Variants in SEC31B observed in about 807,000 individuals in gnomAD.
SEC31B encodes SEC31 homolog B, COPII component.
SEC31B carries 113 observed loss-of-function variants against 135.0 expected under a neutral mutation model. That is an observed-to-expected ratio of 0.84 (90% confidence interval 0.72 to 0.98). The LOEUF is 0.98. Ranked by LOEUF, SEC31B falls within the 50% of genes least tolerant of loss-of-function variation. The pLI is 0.00. For missense variants in SEC31B, 1,296 were observed against 1,421.1 expected (o/e 0.91, Z 1.42); for synonymous variants, 508 against 549.4 (o/e 0.92, Z 1.05).
In SEC31B at chr10:100,517,120, A is replaced by G. The variant is rs890872770; in HGVS notation, c.-45-123T>C. ...CAGGGCAACACAGAGTGACAAATAC[A>G]TGACCATCTGCAGATCTAAAGATAG... is the stretch of plus-strand genomic sequence containing the variant. On this transcript the variant is annotated intron_variant, in intron 1 of 25. Transcript: ENST00000370345. 4 of 602,098 alleles carry G rather than the reference A, an allele frequency of 6.6e-6. No individual in the cohort carries two copies. In the Admixed American group the frequency reaches 1.2e-4, roughly 18 times the overall value. The allele number at this position is 602,098 out of a possible 1,614,324, so 37.3% of individuals were successfully genotyped here.
chr10:100,511,293 C>T (rs1413236430), intron 3 of SEC31B, among the ~76,000 whole-genome samples: 3 of 152,164 alleles, frequency 2.0e-5, no homozygotes, highest in Non-Finnish European at 2.9e-5. Flanking sequence ...CAAACCTGGG[C>T]GAATGGGCTT....
In SEC31B at chr10:100,508,910, GA is replaced by G. The variant is rs2133693339; in HGVS notation, c.495+96del. ...TTATTGCCCTCCAGTGGTAAAGTTT[GA>G]TATCTCTTGAGCTCTGATTGGCTCC... On this transcript the variant is annotated intron_variant, in intron 5 of 25. Coordinates refer to ENST00000370345, the MANE Select transcript of SEC31B (RefSeq NM_015490.4). 4 of 923,892 alleles carry G rather than the reference GA, an allele frequency of 4.3e-6. No homozygotes were observed. In the East Asian group the frequency reaches 1.0e-4, roughly 23 times the overall value. 57.2% of individuals were successfully genotyped at this position (923,892 alleles called of 1,614,324 possible).
rs758153094 is a variant in SEC31B at position 100,490,012 on chromosome 10, G to C, written c.2961C>G (p.His987Gln). ...ATCCATGGAAGGAAGACTGACCTGG[G>C]TGAGGAGTCAAGATGCCAGTGGTTG... ...VLPTTGILTPHPGPQDSWKEA... is the reference protein window; with the variant it reads ...VLPTTGILTPQPGPQDSWKEA... Residue 987 changes from histidine to glutamine, a missense_variant, in exon 21 of 26, where the codon CAC becomes CAG. Coordinates refer to ENST00000370345, the MANE Select transcript of SEC31B (RefSeq NM_015490.4). 1 of 1,541,936 alleles carries C rather than the reference G, an allele frequency of 6.5e-7. No individual in the cohort carries two copies. Among genetic ancestry groups the C allele is most frequent in the South Asian group, 1.3e-5 (1 of 77,022 alleles).
chr10:100,508,513 T>C (rs767433734), intron 5 of SEC31B: 3 of 463,510 alleles, frequency 6.5e-6, no homozygotes, highest in South Asian at 4.6e-5. Flanking sequence ...AGCAAAAAGA[T>C]GGGCCCAGTT....
intron 3 of SEC31B, among the ~76,000 whole-genome samples, chr10:100,513,939 C>A (rs1722431902): frequency 6.6e-6 from 1 of 151,778 alleles, no homozygotes; most frequent in Admixed American, 6.6e-5. Flanking sequence ...AATCCCAGCA[C>A]TTTGGGAGGC....
intron 9 of SEC31B, chr10:100,505,762 T>A: frequency 7.1e-7 from 1 of 1,414,900 alleles, no homozygotes; most frequent in Non-Finnish European, 9.2e-7. Flanking sequence ...ATAAGAGTCA[T>A]ACTCTTGAAA....
intron 3 of SEC31B, among the ~76,000 whole-genome samples, chr10:100,515,430 A>G (rs1851812768): frequency 6.6e-6 from 1 of 152,246 alleles, no homozygotes; most frequent in Non-Finnish European, 1.5e-5. Flanking sequence ...CCTCAACTTT[A>G]CAAGACCTTT....
intron 3 of SEC31B, 112 bp downstream of exon 3, chr10:100,515,984 A>T: frequency 7.4e-7 from 1 of 1,342,330 alleles, no homozygotes; most frequent in Non-Finnish European, 1.0e-6. Flanking sequence ...CCAACTTGGC[A>T]AAGCTCCTTC....
chr10:100,508,942 T>A, intron 5 of SEC31B, 65 bp downstream of exon 5: 1 of 1,331,520 alleles, frequency 7.5e-7, no homozygotes, highest in Non-Finnish European at 1.1e-6. Context: ...GCTCCAGAAC[T>A]CAAGACTTTT....
chr10:100,489,547 G>T lies in SEC31B; in HGVS notation c.3025-149C>A, dbSNP rs527793242. On this transcript the variant is annotated intron_variant, in intron 22 of 25. Coordinates refer to ENST00000370345, the MANE Select transcript of SEC31B (RefSeq NM_015490.4). Reference sequence around the variant, plus strand: ...AGGAGACTGGTGTATGTGTGTAAGAGGGAAAGAGAAAGAAGAGGGTTCTGA... The same window carrying T: ...AGGAGACTGGTGTATGTGTGTAAGATGGAAAGAGAAAGAAGAGGGTTCTGA... The T allele has an allele frequency of 5.9e-6, 8 of 1,356,912 alleles. No individual in the cohort carries two copies. The East Asian group carries it at 1.9e-4, about 32-fold the overall frequency. 84.1% of individuals were successfully genotyped at this position (1,356,912 alleles called of 1,614,324 possible).
intron 2 of SEC31B, 133 bp from the exon 3 acceptor site, chr10:100,516,352 A>C: frequency 8.8e-7 from 1 of 1,139,076 alleles, no homozygotes; most frequent in Non-Finnish European, 1.2e-6. Context: ...ACTCCACAAA[A>C]GCAAGAAAAC....
chr10:100,490,874 G>T lies in SEC31B; in HGVS notation c.2482C>A (p.Pro828Thr), dbSNP rs1851288885. 6.7e-7 allele frequency: 1 copy of T among 1,492,370 alleles called. No individual in the cohort carries two copies. 92.4% of individuals were successfully genotyped at this position (1,492,370 alleles called of 1,614,324 possible). The change falls in exon 20 of 26, where the codon CCA becomes ACA. Residue 828 changes from proline to threonine, a missense_variant. Physicochemically the swap from Pro to Thr is conservative, Grantham distance 38 (BLOSUM62 -1). Coordinates refer to ENST00000370345, the MANE Select transcript of SEC31B (RefSeq NM_015490.4). The stretch of plus-strand genomic sequence containing the variant: ...GTGAAAACCCTTGGCCTTGGAGATG[G>T]AGTTGGGACCTATGAAGAGAAAAAA... Reference protein sequence around the residue: ...GSQPSHQVPTPSPRPRVFTPQ... With the variant: ...GSQPSHQVPTTSPRPRVFTPQ...
chr10:100,488,616 T>C (rs1481437121), intron 24 of SEC31B, among the ~76,000 whole-genome samples: 1 of 152,016 alleles, frequency 6.6e-6, no homozygotes, highest in African/African-American at 2.4e-5. Context: ...CCACCCTCCT[T>C]CCAGTACCCC....
Position 100,495,436 on chromosome 10 carries a change from G to C in SEC31B, c.2421C>G (p.Leu807=), listed in dbSNP as rs748832840. 6.2e-7 allele frequency: 1 copy of C among 1,614,062 alleles called. No homozygotes were observed. Among genetic ancestry groups the C allele is most frequent in the Admixed American group, 1.7e-5 (1 of 60,018 alleles). The change falls in exon 19 of 26, where the codon CTC becomes CTG. Residue 807 remains leucine, a synonymous_variant. Coordinates refer to ENST00000370345, the MANE Select transcript of SEC31B (RefSeq NM_015490.4). ...TGTAAGATGATGTCTCTTTAGAGTGGAGGGTAGCTCCCACAACAATCCGGG... is the reference window on the plus strand; with the variant it reads ...TGTAAGATGATGTCTCTTTAGAGTGCAGGGTAGCTCCCACAACAATCCGGG... ...PFPRIVVGAT[L]HSKETSSYRL...
chr10:100,496,267 G>T lies in SEC31B; in HGVS notation c.2301C>A (p.Asp767Glu), dbSNP rs1263120778. ...ACATGGCCCCACTTACCTGAGCACA[G>T]TCCCTGGGTAGAAAGCTCATGGCAG... ...LATAMSFLPRDCAQPPVQQLR... is the reference protein window; with the variant it reads ...LATAMSFLPRECAQPPVQQLR... The change falls in exon 18 of 26, where the codon GAC becomes GAA. Residue 767 changes from aspartate to glutamate, a missense_variant. Physicochemically the swap from Asp to Glu is conservative, Grantham distance 45. Coordinates refer to ENST00000370345, the MANE Select transcript of SEC31B (RefSeq NM_015490.4). 6.2e-7 allele frequency: 1 copy of T among 1,614,120 alleles called. No homozygotes were observed. Among genetic ancestry groups the T allele is most frequent in the South Asian group, 1.1e-5 (1 of 91,082 alleles).
chr10:100,507,859 G>A (rs917915582), intron 6 of SEC31B, 49 bp downstream of exon 6: 2 of 1,612,410 alleles, frequency 1.2e-6, no homozygotes, highest in African/African-American at 2.7e-5. Context: ...CTGCTAGGCA[G>A]GAGAGAGAAG....
chr10:100,505,590 A>C lies in SEC31B; in HGVS notation c.1045-95T>G, dbSNP rs541327833. ...CCATTTTGGGAGGAATCCTTGAGAC[A>C]CCCAATTTGACCTAGAAAGGTCAGA... On this transcript the variant is annotated intron_variant, in intron 9 of 25. Coordinates refer to ENST00000370345, the MANE Select transcript of SEC31B (RefSeq NM_015490.4). The C allele has an allele frequency of 2.0e-6, 3 of 1,483,074 alleles. No individual in the cohort carries two copies. The East Asian group carries it at 7.2e-5, about 35-fold the overall frequency. 91.9% of individuals were successfully genotyped at this position (1,483,074 alleles called of 1,614,324 possible). A position where few individuals can be genotyped will look rare whatever the true frequency, so the allele number is the denominator to read the frequency against.
chr10:100,489,801 A>G, intron 21 of SEC31B, 40 bp from the exon 22 acceptor site: 2 of 1,613,066 alleles, frequency 1.2e-6, no homozygotes, highest in Non-Finnish European at 1.7e-6. Flanking sequence ...GCGCATAGTG[A>G]AAAACACTGG....
At chr10:100,495,846 A>G (rs1274166370) in intron 18 of SEC31B, among the ~76,000 whole-genome samples, 2 of 152,102 alleles carry the variant, frequency 1.3e-5, no homozygotes, top group African/African-American at 4.8e-5. Context: ...CCCCCGCTCT[A>G]TACTCTAGCC....
Sources: allele counts gnomAD v4.1 joint callset (sites outside exome capture counted in the v4.1 genomes callset), GRCh38; gene constraint gnomAD v4.1.1; transcripts MANE v1.5; gene names NCBI Gene and HGNC (gene_info 2026-07-23, HGNC 2026-07-21).